The following STX11 variants were observed in gnomAD, a reference collection of about 807,000 sequenced individuals.
The protein encoded by STX11 is syntaxin 11, also known as syntaxin-11.
In STX11, 21 loss-of-function variants were observed where a neutral mutation model predicts 19.9. The ratio of observed to expected loss-of-function variants is 1.06; its 90% CI spans 0.75 to 1.52. STX11 has a LOEUF of 1.52. Among genes scored for constraint, STX11 ranks in the 40% most tolerant of loss-of-function variants. STX11 has a pLI of 0.00. For missense variants in STX11, 438 were observed against 405.9 expected (o/e 1.08, Z -0.68); for synonymous variants, 193 against 174.4 (o/e 1.11, Z -0.84).
Position 144,172,831 on chromosome 6 carries a change from T to G in STX11, c.-5-13792T>G, listed in dbSNP as rs529843529. Among the ~76,000 whole-genome samples the G allele has an allele frequency of 1.2e-4, 18 of 149,832 alleles. 1 individual carries two copies. The South Asian group carries it at 3.6e-3, about 30-fold the overall frequency. On this transcript the variant is annotated intron_variant, in intron 1 of 1. Coordinates refer to ENST00000367568, the MANE Select transcript of STX11 (RefSeq NM_003764.4). This position sits in a 1 kb window ranked among gnomAD's most constrained non-coding sequence, Gnocchi z 4.2. Reference sequence around the variant, plus strand: ...GAACAGGCTGTCTTTCCCATACACATCCAACATATAATGATGAGATAGGAA... The same window carrying G: ...GAACAGGCTGTCTTTCCCATACACAGCCAACATATAATGATGAGATAGGAA...
chr6:144,181,699 G>A (rs958446723), intron 1 of STX11, among the ~76,000 whole-genome samples: 9 of 150,344 alleles, frequency 6.0e-5, no homozygotes, highest in Non-Finnish European at 1.2e-4. Context: ...TAGGCCTACC[G>A]AATCAGAAAC....
chr6:144,158,752 T>C (rs747620766), intron 1 of STX11, among the ~76,000 whole-genome samples: 9 of 152,236 alleles, frequency 5.9e-5, no homozygotes, highest in Non-Finnish European at 1.2e-4. Context: ...CATTCATAAA[T>C]GTAGGATGGT....
intron 1 of STX11, among the ~76,000 whole-genome samples, chr6:144,164,212 T>C (rs1014692634): frequency 6.6e-6 from 1 of 152,172 alleles, no homozygotes; most frequent in African/African-American, 2.4e-5. Context: ...GAATATTACT[T>C]AAAATCTCGT....
rs11356106 is a variant in STX11 at position 144,188,725 on chromosome 6, CTTTTTT to C, written c.*1248_*1253del. ...ATTATTGTTAAAATTTTTCTTTTTCCTTTTTTTTTTTTTTTTTTTGAGATGGAGTCT... is the reference window on the plus strand; with the variant it reads ...ATTATTGTTAAAATTTTTCTTTTTCCTTTTTTTTTTTTTGAGATGGAGTCT... On this transcript the variant is annotated 3_prime_UTR_variant, in exon 2 of 2. Coordinates refer to ENST00000367568, the MANE Select transcript of STX11 (RefSeq NM_003764.4). 1.7e-5 allele frequency among the ~76,000 whole-genome samples: 2 copies of C among 117,922 alleles called. No individual in the cohort carries two copies. Among genetic ancestry groups the C allele is most frequent in the Non-Finnish European group, 3.4e-5 (2 of 59,396 alleles). 77.4% of individuals were successfully genotyped at this position (117,922 alleles called of 152,430 possible).
intron 1 of STX11, among the ~76,000 whole-genome samples, chr6:144,158,642 G>A (rs977098583): frequency 6.6e-5 from 10 of 151,922 alleles, no homozygotes; most frequent in African/African-American, 1.9e-4. Context: ...GAATAAGAAG[G>A]TTTTAGGATA....
At chr6:144,163,504 G>A (rs967051558) in intron 1 of STX11, among the ~76,000 whole-genome samples, 5 of 151,848 alleles carry the variant, frequency 3.3e-5, no homozygotes, top group Admixed American at 6.6e-5. Context: ...TTGAGACAGA[G>A]TCTTACTCTG....
At chr6:144,166,131 A>G (rs989925638) in intron 1 of STX11, among the ~76,000 whole-genome samples, 1 of 152,228 alleles carries the variant, frequency 6.6e-6, no homozygotes, top group African/African-American at 2.4e-5. Flanking sequence ...GTGTTCTTGA[A>G]TCTAACTGAA....
rs1331354167 is a variant in STX11 at position 144,152,068 on chromosome 6, G to A, written c.-6+1365G>A. Among the ~76,000 whole-genome samples the A allele has an allele frequency of 6.6e-6, 1 of 152,016 alleles. No individual in the cohort carries two copies. ...CAACCATGAATAATAGGATCCTGCC[G>A]GCAAGGTACTAGGGTAAATCTATAC... On this transcript the variant is annotated intron_variant, in intron 1 of 1. Transcript: ENST00000367568. This position sits in a 1 kb window ranked among gnomAD's most constrained non-coding sequence, Gnocchi z 4.9.
At position 144,151,371 on chromosome 6, in the gene STX11, C is replaced by T. The variant is rs1801003114; in HGVS notation, c.-6+668C>T. ...GTGGTTCTCACGCACTTGTTTCAGC[C>T]GTTTCTCAGCAGAGGGAGGAGCTGT... is the stretch of plus-strand genomic sequence containing the variant. On this transcript the variant is annotated intron_variant, in intron 1 of 1. Transcript: ENST00000367568. The surrounding 1 kb of genome is among the most constrained non-coding windows in gnomAD (Gnocchi z 4.6). 2.0e-6 allele frequency: 2 copies of T among 985,252 alleles called. No homozygotes were observed. The highest frequency in any genetic ancestry group is 1.7e-5 in the African/African-American group (1 of 57,206). 61.0% of individuals were successfully genotyped at this position (985,252 alleles called of 1,614,324 possible). A position where few individuals can be genotyped will look rare whatever the true frequency, so the allele number is the denominator to read the frequency against.
At chr6:144,168,573 G>A (rs1801543598) in intron 1 of STX11, among the ~76,000 whole-genome samples, 1 of 152,178 alleles carries the variant, frequency 6.6e-6, no homozygotes, top group African/African-American at 2.4e-5. Context: ...TTTTGCATAT[G>A]TAAGGAGGTC....
chr6:144,148,081 C>T (rs75864894), upstream of STX11, among the ~76,000 whole-genome samples: 900 of 152,242 alleles, frequency 5.9e-3, 43 homozygotes, highest in East Asian at 0.11. Flanking sequence ...CTCAACAAAA[C>T]GGTAGATTAA....
In STX11 at chr6:144,176,754, C is replaced by G. The variant is rs1801787796; in HGVS notation, c.-5-9869C>G. Among the ~76,000 whole-genome samples the G allele has an allele frequency of 6.6e-6, 1 of 152,064 alleles. No homozygotes were observed. The highest frequency in any genetic ancestry group is 2.4e-5 in the African/African-American group (1 of 41,412). On this transcript the variant is annotated intron_variant, in intron 1 of 1. Transcript: ENST00000367568. The surrounding 1 kb of genome is among the most constrained non-coding windows in gnomAD (Gnocchi z 4.1). ...TGTTAATAATGGCCATTTGAGTCATCAATAAATTGTGTCTAATGCCCTGTT... is the reference window on the plus strand; with the variant it reads ...TGTTAATAATGGCCATTTGAGTCATGAATAAATTGTGTCTAATGCCCTGTT...
rs1438343134 is a variant in STX11 at position 144,190,316 on chromosome 6, C to T, written c.*2825C>T. Among the ~76,000 whole-genome samples, 2 of 152,190 alleles carry T rather than the reference C, an allele frequency of 1.3e-5. No homozygotes were observed. Among genetic ancestry groups the T allele is most frequent in the Non-Finnish European group, 2.9e-5 (2 of 68,034 alleles). On this transcript the variant is annotated 3_prime_UTR_variant, in exon 2 of 2. Coordinates refer to ENST00000367568, the MANE Select transcript of STX11 (RefSeq NM_003764.4). Reference sequence around the variant, plus strand: ...TTCCTCATCTGTAAAACGGAGATAACAGTACTTACCTCATAGAGCTGTTGT... The same window carrying T: ...TTCCTCATCTGTAAAACGGAGATAATAGTACTTACCTCATAGAGCTGTTGT...
At chr6:144,140,724 G>C in the STX11 span, 5 of 984,954 alleles carry the variant, frequency 5.1e-6, no homozygotes, top group Non-Finnish European at 6.0e-6. Context: ...AAAGGGAAAA[G>C]TAAGACAAAG....
At position 144,188,830 on chromosome 6, in the gene STX11, G is replaced by T. The variant is rs1360434650; in HGVS notation, c.*1339G>T. ...CAACCTCTGTCTCCCAGGTTCGAGC[G>T]ATTCTCCTGACTCAGCCTCCTGAGA... On this transcript the variant is annotated 3_prime_UTR_variant, in exon 2 of 2. Coordinates refer to ENST00000367568, the MANE Select transcript of STX11 (RefSeq NM_003764.4). Among the ~76,000 whole-genome samples, 1 of 149,898 alleles carries T rather than the reference G, an allele frequency of 6.7e-6. No individual in the cohort carries two copies. The highest frequency in any genetic ancestry group is 1.5e-5 in the Non-Finnish European group (1 of 67,762).
rs548608733 is a variant in STX11, at chr6:144,177,648, G to A, written c.-5-8975G>A. Among the ~76,000 whole-genome samples, 2 of 152,296 alleles carry A rather than the reference G, an allele frequency of 1.3e-5. No homozygotes were observed. The highest frequency in any genetic ancestry group is 4.8e-5 in the African/African-American group (2 of 41,556). ...ACCTGTAATCCCAGCTACTCAGGAG[G>A]CTGAGGCAGGAGAATTGCTTGAACC... On this transcript the variant is annotated intron_variant, in intron 1 of 1. Transcript: ENST00000367568. This position sits in a 1 kb window ranked among gnomAD's most constrained non-coding sequence, Gnocchi z 4.4.
At position 144,155,196 on chromosome 6, in the gene STX11, C is replaced by T. The variant is rs80111671; in HGVS notation, c.-6+4493C>T. Among the ~76,000 whole-genome samples, 292 of 152,226 alleles carry T rather than the reference C, an allele frequency of 1.9e-3. 4 individuals are homozygous for T. In the East Asian group the frequency reaches 0.038, roughly 20 times the overall value. ...TTGGTTATCTTTTCCTCAAAGACCT[C>T]GACTTTGGACCATGTAAGGTTTAAA... On this transcript the variant is annotated intron_variant, in intron 1 of 1. Coordinates refer to ENST00000367568, the MANE Select transcript of STX11 (RefSeq NM_003764.4). The surrounding 1 kb of genome is among the most constrained non-coding windows in gnomAD (Gnocchi z 4.5).
Position 144,159,344 on chromosome 6 carries a change from C to T in STX11, c.-6+8641C>T, listed in dbSNP as rs1801271987. On this transcript the variant is annotated intron_variant, in intron 1 of 1. Transcript: ENST00000367568. This position sits in a 1 kb window ranked among gnomAD's most constrained non-coding sequence, Gnocchi z 4.3. ...AAAATATGGTGAGTACCAGAAAAAGCGAAGTGAAATTATAGAGCTGGAAAC... is the reference window on the plus strand; with the variant it reads ...AAAATATGGTGAGTACCAGAAAAAGTGAAGTGAAATTATAGAGCTGGAAAC... Among the ~76,000 whole-genome samples, 1 of 151,998 alleles carries T rather than the reference C, an allele frequency of 6.6e-6. No individual in the cohort carries two copies. Among genetic ancestry groups the T allele is most frequent in the Admixed American group, 6.6e-5 (1 of 15,258 alleles).
chr6:144,183,749 G>A lies in STX11; in HGVS notation c.-5-2874G>A, dbSNP rs1354676740. On this transcript the variant is annotated intron_variant, in intron 1 of 1. Coordinates refer to ENST00000367568, the MANE Select transcript of STX11 (RefSeq NM_003764.4). The surrounding 1 kb of genome is among the most constrained non-coding windows in gnomAD (Gnocchi z 4.6). ...ATCTTATTTTATGTTTTTAAGTTCC[G>A]GGGTACACGTGCAAGATGCGCAGGT... Among the ~76,000 whole-genome samples the A allele has an allele frequency of 6.6e-6, 1 of 152,040 alleles. No homozygotes were observed. The highest frequency in any genetic ancestry group is 2.1e-4 in the South Asian group (1 of 4,816).
Sources: gnomAD v4.1 joint callset for allele counts (sites outside exome capture counted in the v4.1 genomes callset) on GRCh38, gnomAD v4.1.1 for gene constraint, Gnocchi (gnomAD v3.1) non-coding constraint, MANE v1.5 for transcripts, NCBI Gene and HGNC (gene_info 2026-07-23, HGNC 2026-07-21) for gene names.